The following IMMP2L variants were observed in gnomAD, a reference collection of about 807,000 sequenced individuals.
IMMP2L encodes mitochondrial inner membrane protease subunit 2.
IMMP2L carries 18 observed loss-of-function variants against 19.3 expected under a neutral mutation model. That is an observed-to-expected ratio of 0.93 (90% confidence interval 0.64 to 1.38). The LOEUF is 1.38. Ranked by LOEUF, IMMP2L falls within the 40% of genes most tolerant of loss-of-function variation. The pLI is 0.00. For synonymous variants in IMMP2L, 76 were observed against 73.0 expected, an observed-to-expected ratio of 1.04 and a Z score of -0.21; for missense variants, 233 against 218.2, an observed-to-expected ratio of 1.07 and a Z score of -0.43.
intron 3 of IMMP2L, among the ~76,000 whole-genome samples, chr7:111,237,222 T>C (rs1271374603): frequency 2.6e-5 from 4 of 152,288 alleles, no homozygotes; most frequent in East Asian, 3.9e-4. Context: ...TTGAAGCTAA[T>C]TAAAATTAGA....
intron 3 of IMMP2L, among the ~76,000 whole-genome samples, chr7:111,450,935 T>C (rs1839088847): frequency 1.3e-5 from 2 of 151,740 alleles, no homozygotes; most frequent in African/African-American, 4.9e-5. Context: ...AAGACATTTA[T>C]GCAGCCAAAA....
At chr7:111,499,792 G>A (rs528596094) in intron 2 of IMMP2L, among the ~76,000 whole-genome samples, 4 of 152,258 alleles carry the variant, frequency 2.6e-5, no homozygotes, top group South Asian at 2.1e-4. Flanking sequence ...TGCCCTCTGG[G>A]CTTTGGGCTC....
intron 3 of IMMP2L, among the ~76,000 whole-genome samples, chr7:111,438,937 A>G (rs1837453244): frequency 6.6e-6 from 1 of 151,912 alleles, no homozygotes; most frequent in African/African-American, 2.4e-5. Flanking sequence ...CTGGACACTA[A>G]TAGGATAAAA....
intron 3 of IMMP2L, among the ~76,000 whole-genome samples, chr7:111,253,079 G>A (rs1816324261): frequency 6.6e-6 from 1 of 152,044 alleles, no homozygotes; most frequent in Non-Finnish European, 1.5e-5. Flanking sequence ...AAAATATGGT[G>A]AGAAATGAAA....
At chr7:111,500,769 G>C (rs934057770) in intron 2 of IMMP2L, among the ~76,000 whole-genome samples, 5 of 152,132 alleles carry the variant, frequency 3.3e-5, no homozygotes, top group African/African-American at 1.2e-4. Context: ...GGTCCTGTCT[G>C]TTAGAAGGAA....
At chr7:110,899,190 TTTAA>T (rs1303710007) in intron 4 of IMMP2L, among the ~76,000 whole-genome samples, 24 of 152,198 alleles carry the variant, frequency 1.6e-4, no homozygotes, top group Non-Finnish European at 2.8e-4. Context: ...CTTTTTATGT[TTTAA>T]TTATCTACTA....
intron 3 of IMMP2L, among the ~76,000 whole-genome samples, chr7:111,317,169 C>T (rs966442286): frequency 2.6e-5 from 4 of 152,012 alleles, no homozygotes; most frequent in African/African-American, 4.8e-5. Context: ...AGTGTCTCAA[C>T]GTGGTTAAGT....
At chr7:111,316,555 G>A (rs557600242) in intron 3 of IMMP2L, among the ~76,000 whole-genome samples, 42 of 152,044 alleles carry the variant, frequency 2.8e-4, no homozygotes, top group African/African-American at 9.4e-4. Flanking sequence ...CTGCCGCTTA[G>A]GAACACTCAA....
At chr7:111,335,866 T>C (rs940569925) in intron 3 of IMMP2L, among the ~76,000 whole-genome samples, 6 of 152,054 alleles carry the variant, frequency 3.9e-5, no homozygotes, top group Non-Finnish European at 8.8e-5. Flanking sequence ...TTCATGGAAA[T>C]ACACAGGAAT....
chr7:110,920,414 G>A (rs1759889482), intron 4 of IMMP2L, among the ~76,000 whole-genome samples: 1 of 152,132 alleles, frequency 6.6e-6, no homozygotes, highest in Non-Finnish European at 1.5e-5. Context: ...GATTTATTCT[G>A]GGGAATTAGG....
intron 3 of IMMP2L, among the ~76,000 whole-genome samples, chr7:111,415,419 C>T (rs1375967247): frequency 6.6e-6 from 1 of 151,642 alleles, no homozygotes; most frequent in Non-Finnish European, 1.5e-5. Flanking sequence ...CAGACTTTTG[C>T]CCTACAAAAA....
intron 1 of IMMP2L, among the ~76,000 whole-genome samples, chr7:111,532,045 A>G (rs890347765): frequency 2.6e-5 from 4 of 152,140 alleles, no homozygotes; most frequent in African/African-American, 9.7e-5. Flanking sequence ...TCAAAAATCA[A>G]AACTTAGAAG....
At chr7:110,961,539 A>G (rs1433825537) in intron 4 of IMMP2L, among the ~76,000 whole-genome samples, 1 of 151,608 alleles carries the variant, frequency 6.6e-6, no homozygotes, top group African/African-American at 2.4e-5. Context: ...CCATGGATAC[A>G]GAGGGCCAAC....
intron 1 of IMMP2L, among the ~76,000 whole-genome samples, chr7:111,550,529 G>A (rs182562535): frequency 6.6e-6 from 1 of 152,060 alleles, no homozygotes; most frequent in Non-Finnish European, 1.5e-5. Context: ...GATCATGCAG[G>A]AGAGGCTATG....
At chr7:111,421,742 A>G (rs1235088386) in intron 3 of IMMP2L, among the ~76,000 whole-genome samples, 10 of 151,550 alleles carry the variant, frequency 6.6e-5, no homozygotes, top group East Asian at 1.9e-4. Context: ...CCATTTGTCT[A>G]TTTTGGCTTT....
At chr7:110,789,584 A>G (rs778201457) in intron 5 of IMMP2L, among the ~76,000 whole-genome samples, 1 of 151,676 alleles carries the variant, frequency 6.6e-6, no homozygotes, top group Non-Finnish European at 1.5e-5. Flanking sequence ...ACTTCTCTAA[A>G]AGTATAAATC....
chr7:111,234,077 A>G (rs920618988), intron 3 of IMMP2L, among the ~76,000 whole-genome samples: 3 of 151,994 alleles, frequency 2.0e-5, no homozygotes, highest in African/African-American at 2.4e-5. Flanking sequence ...TTTCCCTTTA[A>G]GTATTGTTTT....
At chr7:111,550,147 T>C (rs928106688) in intron 1 of IMMP2L, among the ~76,000 whole-genome samples, 1 of 151,874 alleles carries the variant, frequency 6.6e-6, no homozygotes, top group African/African-American at 2.4e-5. Context: ...CCTGGGAAAA[T>C]ACCAAGATCC....
intron 3 of IMMP2L, among the ~76,000 whole-genome samples, chr7:111,120,120 C>A (rs1800409722): frequency 6.6e-6 from 1 of 152,066 alleles, no homozygotes; most frequent in Admixed American, 6.6e-5. Flanking sequence ...ATCAAATTTG[C>A]AACTTGGTGT....
Sources: gnomAD v4.1 joint callset for allele counts (sites outside exome capture counted in the v4.1 genomes callset) on GRCh38, gnomAD v4.1.1 for gene constraint, MANE v1.5 for transcripts, NCBI Gene and HGNC (gene_info 2026-07-23, HGNC 2026-07-21) for gene names.